EEFSEC: variants seen among roughly 807,000 people sequenced by gnomAD.
EEFSEC encodes selenocysteine-specific elongation factor.
A neutral mutation model predicts 42.1 loss-of-function variants in EEFSEC; 43 were observed. The observed-to-expected ratio is 1.02, with a 90% CI of 0.80 to 1.32. The LOEUF is 1.32. Among genes scored for constraint, EEFSEC ranks in the 40% most tolerant of loss-of-function variants. The pLI is 0.00. For missense variants in EEFSEC, 745 were observed against 803.6 expected, an observed-to-expected ratio of 0.93 and a Z score of 0.88; for synonymous variants, 354 against 339.1, an observed-to-expected ratio of 1.04 and a Z score of -0.48.
intron 6 of EEFSEC, among the ~76,000 whole-genome samples, chr3:128,373,111 G>T (rs58111781): frequency 0.071 from 10,836 of 151,988 alleles, 793 homozygotes; most frequent in African/African-American, 0.19. Flanking sequence ...TCAAGATGAG[G>T]CCCTGAGAAG....
chr3:128,351,811 C>T (rs998291515), intron 5 of EEFSEC, among the ~76,000 whole-genome samples: 1 of 152,214 alleles, frequency 6.6e-6, no homozygotes, highest in Non-Finnish European at 1.5e-5. Context: ...CTCAGTCCCT[C>T]CAGTGACTGA....
At chr3:128,360,259 A>C (rs1463220821) in intron 6 of EEFSEC, among the ~76,000 whole-genome samples, 1 of 152,192 alleles carries the variant, frequency 6.6e-6, no homozygotes, top group Non-Finnish European at 1.5e-5. Flanking sequence ...ACTGGAGCCC[A>C]CAGGGCCCCT....
intron 1 of EEFSEC, among the ~76,000 whole-genome samples, chr3:128,214,598 T>A (rs896011107): frequency 6.6e-6 from 1 of 152,194 alleles, no homozygotes; most frequent in Non-Finnish European, 1.5e-5. Flanking sequence ...GGTGGCTAAA[T>A]TGAAATTTTT....
At chr3:128,268,000 C>G (rs778596056) in intron 4 of EEFSEC, among the ~76,000 whole-genome samples, 20 of 152,188 alleles carry the variant, frequency 1.3e-4, no homozygotes, top group Non-Finnish European at 8.8e-5. Flanking sequence ...GCTGATAGAA[C>G]AACTCAGCTA....
intron 5 of EEFSEC, among the ~76,000 whole-genome samples, chr3:128,349,460 C>T (rs760909261): frequency 6.6e-6 from 1 of 152,210 alleles, no homozygotes; most frequent in Non-Finnish European, 1.5e-5. Flanking sequence ...GGCTTCTCCA[C>T]TAGTAACAAA....
chr3:128,284,053 AC>A (rs769849526), intron 4 of EEFSEC, among the ~76,000 whole-genome samples: 3 of 152,174 alleles, frequency 2.0e-5, no homozygotes, highest in Admixed American at 2.0e-4. Flanking sequence ...TGAGTAACAT[AC>A]ACGGCTACAC....
chr3:128,179,370 G>A (rs936828628), intron 1 of EEFSEC, among the ~76,000 whole-genome samples: 1 of 152,220 alleles, frequency 6.6e-6, no homozygotes, highest in Non-Finnish European at 1.5e-5. Context: ...AATGCCTTAG[G>A]TCAGTTCAGC....
At chr3:128,330,725 G>T (rs1041346539) in intron 4 of EEFSEC, among the ~76,000 whole-genome samples, 6 of 151,890 alleles carry the variant, frequency 4.0e-5, no homozygotes, top group African/African-American at 1.2e-4. Flanking sequence ...GGGGCAGGGG[G>T]CATCAGTGCA....
At chr3:128,192,711 A>C (rs1007999116) in intron 1 of EEFSEC, among the ~76,000 whole-genome samples, 3 of 152,180 alleles carry the variant, frequency 2.0e-5, no homozygotes, top group Admixed American at 6.5e-5. Flanking sequence ...GACACCTGTG[A>C]TACTGGAAGG....
intron 6 of EEFSEC, among the ~76,000 whole-genome samples, chr3:128,397,733 C>T (rs531536737): frequency 6.6e-6 from 1 of 152,402 alleles, no homozygotes; most frequent in African/African-American, 2.4e-5. Flanking sequence ...GGCCTCTACT[C>T]ATCAAGTGCA....
At chr3:128,371,741 C>G (rs2067656390) in intron 6 of EEFSEC, among the ~76,000 whole-genome samples, 1 of 152,218 alleles carries the variant, frequency 6.6e-6, no homozygotes, top group Non-Finnish European at 1.5e-5. Context: ...TCGTGGGCAG[C>G]CTCTGGCCAG....
intron 6 of EEFSEC, among the ~76,000 whole-genome samples, chr3:128,378,143 G>A (rs2067730958): frequency 6.6e-6 from 1 of 152,176 alleles, no homozygotes; most frequent in Non-Finnish European, 1.5e-5. Context: ...GATCTCCATA[G>A]TGTATACTCG....
At chr3:128,307,998 G>A (rs1368925374) in intron 4 of EEFSEC, among the ~76,000 whole-genome samples, 9 of 152,250 alleles carry the variant, frequency 5.9e-5, no homozygotes, top group Admixed American at 3.3e-4. Flanking sequence ...GGTCACCTGG[G>A]CATAACAGTG....
At chr3:128,405,991 A>AC (rs2068105167) in intron 6 of EEFSEC, among the ~76,000 whole-genome samples, 1 of 152,112 alleles carries the variant, frequency 6.6e-6, no homozygotes, top group African/African-American at 2.4e-5. Flanking sequence ...AGGAGCCACC[A>AC]CCCACTGGGG....
intron 4 of EEFSEC, among the ~76,000 whole-genome samples, chr3:128,316,512 G>A (rs1010086167): frequency 6.6e-5 from 10 of 152,206 alleles, no homozygotes; most frequent in Admixed American, 2.6e-4. Context: ...TGATCGACAG[G>A]CACGTGGTTT....
chr3:128,269,767 C>T (rs2066395095), intron 4 of EEFSEC, among the ~76,000 whole-genome samples: 1 of 152,212 alleles, frequency 6.6e-6, no homozygotes, highest in South Asian at 2.1e-4. Context: ...GTCCCTAGAA[C>T]AGTTTAAAGG....
chr3:128,262,166 C>CT lies in EEFSEC; in HGVS notation c.563_564insT (p.Pro191ThrfsTer7), dbSNP rs1365232502. ...CCGATTATACCCGTGGCGGCCAAGCCGGGGGGACCAGAGGCCCCCGAAACT... is the reference window on the plus strand; with the variant it reads ...CCGATTATACCCGTGGCGGCCAAGCCTGGGGGGACCAGAGGCCCCCGAAACT... On this transcript the variant is annotated frameshift_variant, in exon 3 of 7. Transcript: ENST00000254730. LOFTEE classifies it high-confidence loss of function. 4 of 1,614,106 alleles carry CT rather than the reference C, an allele frequency of 2.5e-6. No individual in the cohort carries two copies. The highest frequency in any genetic ancestry group is 3.4e-6 in the Non-Finnish European group (4 of 1,180,010).
chr3:128,240,453 C>A (rs1452614597), intron 1 of EEFSEC, among the ~76,000 whole-genome samples: 1 of 152,172 alleles, frequency 6.6e-6, no homozygotes, highest in African/African-American at 2.4e-5. Context: ...TTGCCACTTC[C>A]TCTTATTTGT....
At chr3:128,421,342 G>C in the EEFSEC span, among the ~76,000 whole-genome samples, 1 of 152,218 alleles carries the variant, frequency 6.6e-6, no homozygotes, top group Non-Finnish European at 1.5e-5. Flanking sequence ...GTGAACGAGG[G>C]GGTCAGGTGT....
Sources: gnomAD v4.1 joint callset for allele counts (sites outside exome capture counted in the v4.1 genomes callset) on GRCh38, gnomAD v4.1.1 for gene constraint, MANE v1.5 for transcripts, NCBI Gene and HGNC (gene_info 2026-07-23, HGNC 2026-07-21) for gene names.